The following PI4KA variants were observed in gnomAD, a reference collection of about 807,000 sequenced individuals.
PI4KA encodes PI4-kinase alpha.
Under a neutral mutation model 271.4 loss-of-function variants are expected in PI4KA, and 122 were observed. The ratio of observed to expected loss-of-function variants is 0.45; its 90% confidence interval spans 0.39 to 0.52. PI4KA has a LOEUF of 0.52. Among genes scored for constraint, PI4KA ranks in the 20% least tolerant of loss-of-function variants. The pLI, the probability that PI4KA is intolerant of heterozygous loss-of-function variation, is 0.00. For synonymous variants in PI4KA, 1,041 were observed against 1,078.8 expected (o/e 0.96, Z 0.69); for missense variants, 1,969 against 2,769.1 (o/e 0.71, Z 6.48).
chr22:20,723,257 T>C (rs891025109), intron 42 of PI4KA, among the ~76,000 whole-genome samples: 6 of 151,854 alleles, frequency 4.0e-5, no homozygotes, highest in African/African-American at 1.4e-4. Flanking sequence ...CCTGACCTCG[T>C]GATCCACCCG....
intron 3 of PI4KA, among the ~76,000 whole-genome samples, chr22:20,825,544 G>C (rs1923293857): frequency 6.6e-6 from 1 of 152,130 alleles, no homozygotes; most frequent in South Asian, 2.1e-4. Flanking sequence ...GCAGTGAACC[G>C]AGGTCAGGCC....
intron 19 of PI4KA, among the ~76,000 whole-genome samples, chr22:20,775,812 A>C (rs1252140713): frequency 6.6e-6 from 1 of 152,118 alleles, no homozygotes; most frequent in Non-Finnish European, 1.5e-5. Flanking sequence ...ATCTTAGCCA[A>C]AAGGCCAAGA....
intron 19 of PI4KA, chr22:20,787,215 A>G (rs1161677479): frequency 1.4e-5 from 10 of 733,390 alleles, no homozygotes; most frequent in Non-Finnish European, 2.1e-5. Context: ...CTTAGAAACG[A>G]CCAAGAAGAG....
At chr22:20,747,506 C>A in intron 29 of PI4KA, 77 bp downstream of exon 29, 1 of 1,517,194 alleles carries the variant, frequency 6.6e-7, no homozygotes, top group Non-Finnish European at 9.0e-7. Context: ...AAAGCGACAG[C>A]CGAGCTCTAA....
chr22:20,804,596 G>C (rs1016564789), intron 11 of PI4KA, among the ~76,000 whole-genome samples, 196 bp from the exon 12 acceptor site: 2 of 152,040 alleles, frequency 1.3e-5, no homozygotes, highest in Admixed American at 1.3e-4. Flanking sequence ...CCTTGTCCCC[G>C]CAGTGTTCAT....
At chr22:20,778,270 G>A (rs1056915509) in intron 19 of PI4KA, among the ~76,000 whole-genome samples, 3 of 152,092 alleles carry the variant, frequency 2.0e-5, no homozygotes, top group African/African-American at 7.2e-5. Context: ...GGGGGCTGAG[G>A]TGGGTGGATC....
intron 18 of PI4KA, among the ~76,000 whole-genome samples, chr22:20,795,520 A>G (rs1430499806): frequency 6.6e-6 from 1 of 152,208 alleles, no homozygotes; most frequent in African/African-American, 2.4e-5. Context: ...CCTCTACGCA[A>G]AAATAAAATT....
chr22:20,811,005 G>C lies in PI4KA; in HGVS notation c.1033C>G (p.Leu345Val), dbSNP rs755862755. The change falls in exon 9 of 55, where the codon CTC becomes GTC. Residue 345 changes from leucine (L) to valine (V), a missense_variant. Physicochemically the swap from Leu to Val is conservative, Grantham distance 32. Coordinates refer to ENST00000255882, the MANE Select transcript of PI4KA (RefSeq NM_058004.4). ...GCTACAATGGCATCCAAAGATTTGA[G>C]AACAGCCTCCTCAACGATCTTCTTC... is the stretch of plus-strand genomic sequence containing the variant. ...LVKKIVEEAV[L>V]KSLDAIVASV... The C allele has an allele frequency of 1.2e-6, 2 of 1,613,590 alleles. No individual in the cohort carries two copies. The highest frequency in any genetic ancestry group is 4.5e-5 in the East Asian group (2 of 44,898).
Position 20,796,247 on chromosome 22 carries a change from C to G in PI4KA, c.2176G>C (p.Val726Leu), listed in dbSNP as rs779863269. 1.9e-6 allele frequency: 3 copies of G among 1,614,152 alleles called. No individual in the cohort carries two copies. Among genetic ancestry groups the G allele is most frequent in the Non-Finnish European group, 2.5e-6 (3 of 1,180,008 alleles). ...IAANIQDEHL[V>L]DELLMNLLEL... Reference sequence around the variant, plus strand: ...AACAGGTTCATGAGCAGCTCATCCACCAGGTGCTCGTCTTGGATGTTGGCC... The same window carrying G: ...AACAGGTTCATGAGCAGCTCATCCAGCAGGTGCTCGTCTTGGATGTTGGCC... The change falls in exon 18 of 55, where the codon GTG (valine) becomes CTG (leucine). Residue 726 changes from valine to leucine, a missense_variant. Around this residue, in one of 13 missense-constraint regions of PI4KA, gnomAD observed 368 missense variants for 544.3 expected, o/e 0.68. Coordinates refer to ENST00000255882, the MANE Select transcript of PI4KA (RefSeq NM_058004.4).
chr22:20,742,048 C>A (rs1929520228), intron 32 of PI4KA, among the ~76,000 whole-genome samples, 180 bp downstream of exon 32: 1 of 152,208 alleles, frequency 6.6e-6, no homozygotes, highest in Admixed American at 6.5e-5. Flanking sequence ...ATGCTGTTAA[C>A]ATATATTCTA....
chr22:20,712,334 T>C (rs942537479), intron 50 of PI4KA, 152 bp downstream of exon 50: 57 of 1,539,892 alleles, frequency 3.7e-5, no homozygotes, highest in Admixed American at 3.3e-4. Context: ...GGATTACAGG[T>C]GTGAGCCACC....
At chr22:20,729,742 C>T (rs1191570576) in intron 37 of PI4KA, 31 bp from the exon 38 acceptor site, 1 of 1,578,376 alleles carries the variant, frequency 6.3e-7, no homozygotes, top group Non-Finnish European at 8.6e-7. Flanking sequence ...CAGGTGTAGT[C>T]CTCAGATGCT....
At chr22:20,803,359 T>C (rs1453409594) in intron 12 of PI4KA, 39 bp from the exon 13 acceptor site, 9 of 1,612,658 alleles carry the variant, frequency 5.6e-6, no homozygotes, top group Non-Finnish European at 7.6e-6. Flanking sequence ...GCCTGTGGTA[T>C]GGGACCATCT....
At chr22:20,725,749 A>C (rs1481764892) in intron 42 of PI4KA, 1 of 307,068 alleles carries the variant, frequency 3.3e-6, no homozygotes. Context: ...TACAAAAATT[A>C]GCTGGGCGTG....
At chr22:20,766,865 T>A (rs1932582919) in intron 19 of PI4KA, among the ~76,000 whole-genome samples, 1 of 151,992 alleles carries the variant, frequency 6.6e-6, no homozygotes, top group African/African-American at 2.4e-5. Context: ...GAAGACACCA[T>A]CTCTTGAGGC....
At chr22:20,780,515 C>A (rs551011520) in intron 19 of PI4KA, among the ~76,000 whole-genome samples, 3 of 152,178 alleles carry the variant, frequency 2.0e-5, no homozygotes, top group Non-Finnish European at 4.4e-5. Context: ...CGCCTGTAAT[C>A]CCAGCACTTT....
intron 43 of PI4KA, among the ~76,000 whole-genome samples, chr22:20,719,957 C>A (rs1014013644): frequency 7.5e-6 from 1 of 132,746 alleles, no homozygotes. Flanking sequence ...ACCTGGGAGG[C>A]GGAGCTTGCA....
intron 3 of PI4KA, among the ~76,000 whole-genome samples, chr22:20,831,451 CCA>C (rs1924147713): frequency 6.6e-6 from 1 of 152,018 alleles, no homozygotes; most frequent in African/African-American, 2.4e-5. Flanking sequence ...CCTGTAGTCC[CCA>C]GTTACTCAGG....
rs571298009 is a variant in PI4KA, at chr22:20,834,798, T to C, written c.274-143A>G. 45 of 615,114 alleles carry C rather than the reference T, an allele frequency of 7.3e-5. No individual in the cohort carries two copies. The Admixed American group carries it at 1.2e-3, about 16-fold the overall frequency. The allele number at this position is 615,114 out of a possible 1,614,324, so 38.1% of individuals were successfully genotyped here. ...CTCCAGGGATAATGTAAAGTGCATG[T>C]AAATTCACATGGCATCACTCCATTC... is the stretch of plus-strand genomic sequence containing the variant. On this transcript the variant is annotated intron_variant, in intron 2 of 54. Coordinates refer to ENST00000255882, the MANE Select transcript of PI4KA (RefSeq NM_058004.4).
Sources: allele counts gnomAD v4.1 joint callset (sites outside exome capture counted in the v4.1 genomes callset), GRCh38; gene constraint gnomAD v4.1.1; regional missense constraint gnomAD v4.1.1; transcripts MANE v1.5; gene names NCBI Gene and HGNC (gene_info 2026-07-23, HGNC 2026-07-21).